The following NCKAP5 variants were observed in gnomAD, a reference collection of about 807,000 sequenced individuals.
The protein encoded by NCKAP5 is nck-associated protein 5.
In NCKAP5, 92 loss-of-function variants were observed where a neutral mutation model predicts 167.0. The observed-to-expected ratio is 0.55, with a 90% confidence interval of 0.47 to 0.66. NCKAP5 has a LOEUF of 0.66. Ranked by LOEUF, NCKAP5 falls within the 30% of genes least tolerant of loss-of-function variation. NCKAP5 has a pLI of 0.00. For missense variants in NCKAP5, 2,378 were observed against 2,315.0 expected (o/e 1.03, Z -0.56); for synonymous variants, 891 against 877.4 (o/e 1.02, Z -0.27).
chr2:133,158,166 G>T (rs1441043248), intron 5 of NCKAP5, among the ~76,000 whole-genome samples: 2 of 152,280 alleles, frequency 1.3e-5, no homozygotes, highest in East Asian at 1.9e-4. Context: ...TTTGCTCTTG[G>T]TTAGGGAGGT....
In NCKAP5 at chr2:133,361,705, A is replaced by G. The variant is rs115361359; in HGVS notation, c.70-58595T>C. ...TAGCTTGATGGGTTGAACATTGGAA[A>G]GACAATTGGGTTGTCATCCATTACA... On this transcript the variant is annotated intron_variant, in intron 3 of 19. Coordinates refer to ENST00000409261, the MANE Select transcript of NCKAP5 (RefSeq NM_207363.3). Among the ~76,000 whole-genome samples, 1,409 of 152,328 alleles carry G rather than the reference A, an allele frequency of 9.2e-3. 19 individuals carry two copies. Among genetic ancestry groups the G allele is most frequent in the African/African-American group, 0.032 (1,325 of 41,580 alleles).
intron 19 of NCKAP5, 77 bp downstream of exon 19, chr2:132,725,550 C>T (rs1270612356): frequency 1.2e-5 from 17 of 1,477,306 alleles, no homozygotes; most frequent in South Asian, 1.1e-4. Context: ...GGGTGGGGGC[C>T]GAGCACAGTG....
intron 4 of NCKAP5, among the ~76,000 whole-genome samples, chr2:133,269,307 AAAT>A (rs2150405338): frequency 6.6e-6 from 1 of 152,340 alleles, no homozygotes; most frequent in East Asian, 1.9e-4. Context: ...GTACATAAGT[AAAT>A]TATAATGTCT....
intron 3 of NCKAP5, among the ~76,000 whole-genome samples, chr2:133,472,735 C>T (rs1468662993): frequency 6.6e-6 from 1 of 152,162 alleles, no homozygotes; most frequent in Non-Finnish European, 1.5e-5. Context: ...CTAGAAGCTG[C>T]TCTACCTTCT....
chr2:133,270,930 TC>T (rs747188955), intron 4 of NCKAP5, among the ~76,000 whole-genome samples: 10,866 of 141,386 alleles, frequency 0.077, 561 homozygotes, highest in South Asian at 0.11. Flanking sequence ...TTTTTTTTTT[TC>T]TTTTTTGAGA....
In NCKAP5 at chr2:132,782,967, AGT is replaced by A; in HGVS notation, c.3842_3843del (p.His1281LeufsTer86). 1 of 1,613,822 alleles carries A rather than the reference AGT, an allele frequency of 6.2e-7. No homozygotes were observed. Among genetic ancestry groups the A allele is most frequent in the Non-Finnish European group, 8.5e-7 (1 of 1,179,862 alleles). ...AKARSHSFST[H>X]SGDKPSTPPI... ...GGGGGCGTAGAAGGCTTGTCTCCTGAGTGTGTACTGAAGCTGTGGCTGCGGGC... is the reference window on the plus strand; with the variant it reads ...GGGGGCGTAGAAGGCTTGTCTCCTGAGTGTACTGAAGCTGTGGCTGCGGGC... On this transcript the variant is annotated frameshift_variant, in exon 14 of 20. Transcript: ENST00000409261. LOFTEE classifies it high-confidence loss of function.
chr2:133,341,793 G>A (rs541467008), intron 3 of NCKAP5, among the ~76,000 whole-genome samples: 20 of 152,244 alleles, frequency 1.3e-4, no homozygotes, highest in African/African-American at 4.8e-4. Context: ...CAGCACCTGG[G>A]ACAGAGCCTG....
intron 6 of NCKAP5, among the ~76,000 whole-genome samples, chr2:133,023,590 T>C (rs1346454280): frequency 6.6e-6 from 1 of 152,182 alleles, no homozygotes; most frequent in African/African-American, 2.4e-5. Flanking sequence ...TTTCAGCCCA[T>C]GCCTCTCCCT....
In NCKAP5 at chr2:133,563,564, TAAAAAAAAAAAAAAA is replaced by T. The variant is rs57901498; in HGVS notation, c.-129-4462_-129-4448del. On this transcript the variant is annotated intron_variant, in intron 1 of 19. Transcript: ENST00000409261. Reference sequence around the variant, plus strand: ...AGCCTGGTGACAGAGAAAGACTCCATAAAAAAAAAAAAAAAAAAAAAAAAAAAAAAGATTCAGATC... The same window carrying T: ...AGCCTGGTGACAGAGAAAGACTCCATAAAAAAAAAAAAAAAGATTCAGATC... Among the ~76,000 whole-genome samples the T allele has an allele frequency of 1.1e-4, 6 of 53,014 alleles. No homozygotes were observed. In the East Asian group the frequency reaches 3.1e-3, roughly 27 times the overall value. The allele number at this position is 53,014 out of a possible 152,430, so 34.8% of individuals were successfully genotyped here.
At chr2:133,227,224 G>T (rs934059524) in intron 4 of NCKAP5, among the ~76,000 whole-genome samples, 5 of 152,184 alleles carry the variant, frequency 3.3e-5, no homozygotes, top group Non-Finnish European at 7.3e-5. Flanking sequence ...AGTTGAAGAT[G>T]ACTATATGAA....
At chr2:133,208,250 A>G (rs1441516135) in intron 5 of NCKAP5, among the ~76,000 whole-genome samples, 1 of 152,136 alleles carries the variant, frequency 6.6e-6, no homozygotes, top group East Asian at 1.9e-4. Flanking sequence ...GAGGTGGTAG[A>G]AACTCTTGAG....
At chr2:133,355,699 T>C (rs1301846680) in intron 3 of NCKAP5, among the ~76,000 whole-genome samples, 2 of 152,180 alleles carry the variant, frequency 1.3e-5, no homozygotes, top group Admixed American at 6.6e-5. Flanking sequence ...TTTTCTCAGA[T>C]ACTCTAGCGC....
chr2:133,289,872 C>T (rs1296079003), intron 4 of NCKAP5, among the ~76,000 whole-genome samples: 1 of 152,148 alleles, frequency 6.6e-6, no homozygotes, highest in African/African-American at 2.4e-5. Flanking sequence ...AAAGCAGGCA[C>T]ATCTTACATG....
At chr2:132,751,414 T>C (rs1311941813) in intron 16 of NCKAP5, among the ~76,000 whole-genome samples, 1 of 152,146 alleles carries the variant, frequency 6.6e-6, no homozygotes, top group Non-Finnish European at 1.5e-5. Context: ...ATAAACCTGT[T>C]TTCTTCGATA....
At chr2:132,891,638 A>G (rs1692720190) in intron 8 of NCKAP5, among the ~76,000 whole-genome samples, 1 of 152,254 alleles carries the variant, frequency 6.6e-6, no homozygotes, top group African/African-American at 2.4e-5. Context: ...TAGAACAGAA[A>G]AAAACTGTGT....
At chr2:132,799,752 TTTA>T (rs1195796662) in intron 11 of NCKAP5, among the ~76,000 whole-genome samples, 6 of 152,220 alleles carry the variant, frequency 3.9e-5, no homozygotes, top group African/African-American at 1.2e-4. Flanking sequence ...AATTTAAACA[TTTA>T]TTATTATTTT....
At chr2:132,920,225 G>A (rs889643931) in intron 8 of NCKAP5, among the ~76,000 whole-genome samples, 3 of 152,026 alleles carry the variant, frequency 2.0e-5, no homozygotes, top group African/African-American at 7.2e-5. Flanking sequence ...AAGTCAGACT[G>A]TTCACAACTC....
chr2:132,873,889 T>C (rs1456429324), intron 9 of NCKAP5, among the ~76,000 whole-genome samples: 1 of 152,184 alleles, frequency 6.6e-6, no homozygotes, highest in Non-Finnish European at 1.5e-5. Flanking sequence ...TTCATTCATT[T>C]AGTCATTCAA....
intron 8 of NCKAP5, among the ~76,000 whole-genome samples, chr2:132,918,651 A>G (rs1181614861): frequency 6.6e-6 from 1 of 152,210 alleles, no homozygotes; most frequent in Non-Finnish European, 1.5e-5. Context: ...ATCCTTCTCC[A>G]AAGCTTTGCA....
Sources: allele counts gnomAD v4.1 joint callset (sites outside exome capture counted in the v4.1 genomes callset), GRCh38; gene constraint gnomAD v4.1.1; transcripts MANE v1.5; gene names NCBI Gene and HGNC (gene_info 2026-07-23, HGNC 2026-07-21).